The following CYP27C1 variants were observed in gnomAD, a reference collection of about 807,000 sequenced individuals.
CYP27C1 encodes cytochrome P450 family 27 subfamily C member 1, also known as cytochrome P450 27C1.
A neutral mutation model predicts 40.6 loss-of-function variants in CYP27C1; 29 were observed. That is an observed-to-expected ratio of 0.71 (90% CI 0.53 to 0.97). The LOEUF (loss-of-function observed/expected upper bound fraction) is 0.97, where lower values mean the gene tolerates loss of function less well. CYP27C1 is among the 50% of genes least tolerant of loss of function. CYP27C1 has a pLI of 0.00. For synonymous variants in CYP27C1, 198 were observed against 186.8 expected (o/e 1.06, Z -0.49); for missense variants, 390 against 485.8 (o/e 0.80, Z 1.85).
Position 127,195,492 on chromosome 2 carries a change from T to A in CYP27C1, c.1057A>T (p.Thr353Ser). The A allele has an allele frequency of 2.5e-6, 4 of 1,613,830 alleles. No homozygotes were observed. Among genetic ancestry groups the A allele is most frequent in the Non-Finnish European group, 3.4e-6 (4 of 1,179,918 alleles). The change falls in exon 6 of 9, where the codon ACC becomes TCC. Residue 353 changes from threonine to serine, a missense_variant. Coordinates refer to ENST00000664447, the MANE Select transcript of CYP27C1 (RefSeq NM_001367502.1). This position sits in a 1 kb window ranked among gnomAD's most constrained non-coding sequence, Gnocchi z 6.2. ...LLAGVDTTSF[T>S]LSWTVYLLAR... is the part of the protein sequence containing the mutation. ...AGGAGGTACACAGTCCAAGACAAGGTGAAGGACGTCTAAGGAGAGAAAGTG... is the reference window on the plus strand; with the variant it reads ...AGGAGGTACACAGTCCAAGACAAGGAGAAGGACGTCTAAGGAGAGAAAGTG...
At chr2:127,215,981 A>G (rs993885503) in intron 1 of CYP27C1, among the ~76,000 whole-genome samples, 1 of 152,236 alleles carries the variant, frequency 6.6e-6, no homozygotes, top group Non-Finnish European at 1.5e-5. Flanking sequence ...ATCAGTCATC[A>G]GGGAGAGATA....
chr2:127,211,925 A>G (rs1482060481), intron 1 of CYP27C1, among the ~76,000 whole-genome samples: 1 of 152,126 alleles, frequency 6.6e-6, no homozygotes, highest in Non-Finnish European at 1.5e-5. Context: ...GAAAAAATTA[A>G]CTAATAAAGA....
chr2:127,205,564 G>T, intron 2 of CYP27C1: 1 of 486,878 alleles, frequency 2.1e-6, no homozygotes, highest in Non-Finnish European at 2.7e-6. Flanking sequence ...CTTTCCCTGT[G>T]CACAGACAAG....
intron 1 of CYP27C1, among the ~76,000 whole-genome samples, chr2:127,214,626 AC>A (rs1683392117): frequency 6.6e-6 from 1 of 152,120 alleles, no homozygotes; most frequent in Non-Finnish European, 1.5e-5. Flanking sequence ...TATTGAGAAC[AC>A]ATGAACACAG....
intron 2 of CYP27C1, among the ~76,000 whole-genome samples, chr2:127,204,547 G>GAA (rs1307427882): frequency 4.6e-4 from 30 of 64,844 alleles, no homozygotes; most frequent in East Asian, 1.2e-3. Flanking sequence ...GAGAGAGAGA[G>GAA]AGAGAGAGAG....
At chr2:127,187,608 C>T (rs1682661145) in intron 8 of CYP27C1, among the ~76,000 whole-genome samples, 1 of 152,184 alleles carries the variant, frequency 6.6e-6, no homozygotes, top group Non-Finnish European at 1.5e-5. Flanking sequence ...CTAGGCATGT[C>T]CACTAAGCAG....
At chr2:127,202,099 C>A (rs1191699040) in intron 3 of CYP27C1, among the ~76,000 whole-genome samples, 1 of 144,078 alleles carries the variant, frequency 6.9e-6, no homozygotes, top group Non-Finnish European at 1.5e-5. Context: ...TTTTTTTTTA[C>A]ACAAACATCA....
At chr2:127,202,202 G>A (rs2104687455) in intron 3 of CYP27C1, among the ~76,000 whole-genome samples, 1 of 149,830 alleles carries the variant, frequency 6.7e-6, no homozygotes, top group East Asian at 2.0e-4. Context: ...TTGGCTCACT[G>A]CAACCTCCGC....
chr2:127,195,308 G>A lies in CYP27C1; in HGVS notation c.1214+27C>T. 1 of 1,613,782 alleles carries A rather than the reference G, an allele frequency of 6.2e-7. No homozygotes were observed. The highest frequency in any genetic ancestry group is 8.5e-7 in the Non-Finnish European group (1 of 1,179,836). On this transcript the variant is annotated intron_variant, in intron 6 of 8. Transcript: ENST00000664447. This position sits in a 1 kb window ranked among gnomAD's most constrained non-coding sequence, Gnocchi z 6.2. ...ACCAGGGACCTAAGGGACACAGTTT[G>A]TTGACGGATTCTGGCGAGCCTTTTA...
At position 127,201,205 on chromosome 2, in the gene CYP27C1, C is replaced by T; in HGVS notation, c.800G>A (p.Gly267Asp). Residue 267 changes from glycine to aspartate, a missense_variant, in exon 4 of 9, where the codon GGC becomes GAC. Transcript: ENST00000664447. This position sits in a 1 kb window ranked among gnomAD's most constrained non-coding sequence, Gnocchi z 6.0. ...GGGGCGAAGCCATCTGGGGATGGCG[C>T]CTGCATACATGGAGGTCTTGAACAT... is the stretch of plus-strand genomic sequence containing the variant. ...FSMFKTSMYA[G>D]AIPRWLRPFI... 1 of 1,614,166 alleles carries T rather than the reference C, an allele frequency of 6.2e-7. No homozygotes were observed. The highest frequency in any genetic ancestry group is 8.5e-7 in the Non-Finnish European group (1 of 1,180,044).
chr2:127,189,954 G>GTT (rs2104672239), intron 8 of CYP27C1, among the ~76,000 whole-genome samples: 1 of 152,246 alleles, frequency 6.6e-6, no homozygotes, highest in African/African-American at 2.4e-5. Context: ...GAATATCAAG[G>GTT]TTATGCAAGT....
rs567847007 is a variant in CYP27C1 at position 127,218,856 on chromosome 2, G to A, written c.282+1133C>T. Reference sequence around the variant, plus strand: ...CCGGGGAGGCGGACGATGGGCGAAGGCATCGGAGGGCGCCGCCGCGGCTCG... The same window carrying A: ...CCGGGGAGGCGGACGATGGGCGAAGACATCGGAGGGCGCCGCCGCGGCTCG... On this transcript the variant is annotated intron_variant, in intron 1 of 8. Coordinates refer to ENST00000664447, the MANE Select transcript of CYP27C1 (RefSeq NM_001367502.1). This position sits in a 1 kb window ranked among gnomAD's most constrained non-coding sequence, Gnocchi z 6.0. Among the ~76,000 whole-genome samples the A allele has an allele frequency of 3.9e-5, 6 of 152,352 alleles. No homozygotes were observed. In the South Asian group the frequency reaches 8.3e-4, roughly 21 times the overall value.
Position 127,195,403 on chromosome 2 carries a change from C to G in CYP27C1, c.1146G>C (p.Arg382Ser), listed in dbSNP as rs1442577393. Reference protein sequence around the residue: ...YREIVKNLGERHVPTAADVPK... With the variant: ...YREIVKNLGESHVPTAADVPK... Reference sequence around the variant, plus strand: ...GGACATCAGCTGCAGTTGGAACATGCCTTTCCCCTAAATTCTTCACAATCT... The same window carrying G: ...GGACATCAGCTGCAGTTGGAACATGGCTTTCCCCTAAATTCTTCACAATCT... Residue 382 changes from arginine (R) to serine (S), a missense_variant, in exon 6 of 9, where the codon AGG (arginine) becomes AGC (serine). Arg to Ser is a moderately radical substitution (Grantham distance 110, BLOSUM62 -1). Transcript: ENST00000664447. This position sits in a 1 kb window ranked among gnomAD's most constrained non-coding sequence, Gnocchi z 6.2. 3.1e-6 allele frequency: 5 copies of G among 1,614,028 alleles called. No homozygotes were observed. The highest frequency in any genetic ancestry group is 1.1e-5 in the South Asian group (1 of 91,082).
chr2:127,206,206 T>G (rs1164310376), intron 1 of CYP27C1, among the ~76,000 whole-genome samples, 116 bp from the exon 2 acceptor site: 1 of 152,252 alleles, frequency 6.6e-6, no homozygotes, highest in Non-Finnish European at 1.5e-5. Flanking sequence ...AAGTGCTATC[T>G]AACACAGCAC....
At chr2:127,204,557 G>GAA (rs779055219) in intron 2 of CYP27C1, among the ~76,000 whole-genome samples, 3 of 40,630 alleles carry the variant, frequency 7.4e-5, no homozygotes, top group African/African-American at 2.6e-4. Flanking sequence ...GAGAGAGAGA[G>GAA]AAAGAAAGAA....
Position 127,185,007 on chromosome 2 carries a change from C to T in CYP27C1, c.*2264G>A, listed in dbSNP as rs1257313898. The T allele has an allele frequency of 1.3e-5, 2 of 152,200 alleles. No individual in the cohort carries two copies. The highest frequency in any genetic ancestry group is 2.9e-5 in the Non-Finnish European group (2 of 68,120). The allele number at this position is 152,200 out of a possible 1,614,324, so 9.4% of individuals were successfully genotyped here. On this transcript the variant is annotated 3_prime_UTR_variant, in exon 9 of 9. Coordinates refer to ENST00000664447, the MANE Select transcript of CYP27C1 (RefSeq NM_001367502.1). This position sits in a 1 kb window ranked among gnomAD's most constrained non-coding sequence, Gnocchi z 4.9. ...GCTAAGTTTTTTGATTTTTAGTAGA[C>T]AGGATCTCACTGTGTTGCCCAAGCT...
intron 8 of CYP27C1, among the ~76,000 whole-genome samples, chr2:127,191,183 G>T (rs929971699): frequency 6.6e-6 from 1 of 151,902 alleles, no homozygotes; most frequent in African/African-American, 2.4e-5. Context: ...GGAGGCGGAG[G>T]TTGCAGTGAG....
chr2:127,207,086 G>T (rs1234473615), intron 1 of CYP27C1, among the ~76,000 whole-genome samples: 2 of 152,186 alleles, frequency 1.3e-5, no homozygotes, highest in Non-Finnish European at 2.9e-5. Flanking sequence ...TTGACCAGCT[G>T]CAGTGGCTCA....
At chr2:127,197,851 C>A (rs1682938780) in intron 5 of CYP27C1, among the ~76,000 whole-genome samples, 1 of 152,114 alleles carries the variant, frequency 6.6e-6, no homozygotes, top group African/African-American at 2.4e-5. Context: ...TTGAAAGGAA[C>A]TTGGCTCCTT....
Sources: gnomAD v4.1 joint callset for allele counts (sites outside exome capture counted in the v4.1 genomes callset) on GRCh38, gnomAD v4.1.1 for gene constraint, Gnocchi (gnomAD v3.1) non-coding constraint, MANE v1.5 for transcripts, NCBI Gene and HGNC (gene_info 2026-07-23, HGNC 2026-07-21) for gene names.